Variants in FMNL2 observed in about 807,000 individuals in gnomAD.
FMNL2 encodes formin like 2.
A neutral mutation model predicts 130.2 loss-of-function variants in FMNL2; 51 were observed. The ratio of observed to expected loss-of-function variants is 0.39; its 90% CI spans 0.31 to 0.49. FMNL2 has a LOEUF of 0.49. Ranked by LOEUF, FMNL2 falls within the 20% of genes least tolerant of loss-of-function variation. The pLI, the probability that FMNL2 is intolerant of heterozygous loss-of-function variation, is 0.85. For missense variants in FMNL2, 977 were observed against 1,316.2 expected, an observed-to-expected ratio of 0.74 and a Z score of 3.99; for synonymous variants, 465 against 467.1, an observed-to-expected ratio of 1.00 and a Z score of 0.06.
intron 9 of FMNL2, among the ~76,000 whole-genome samples, chr2:152,586,807 C>G (rs986750803): frequency 1.3e-5 from 2 of 152,162 alleles, no homozygotes; most frequent in Admixed American, 1.3e-4. Context: ...CTTTTTTTGT[C>G]TGTTTATCAA....
rs374105027 is a variant in FMNL2 at position 152,516,306 on chromosome 2, C to A, written c.118-5637C>A. 5.9e-5 allele frequency among the ~76,000 whole-genome samples: 9 copies of A among 152,096 alleles called. 1 individual carries two copies. The South Asian group carries it at 1.9e-3, about 32-fold the overall frequency. ...GTAAATTTTATATTATGTTTTCTAC[C>A]ATAACTGAAAAATTTTTTAAAGTAA... On this transcript the variant is annotated intron_variant, in intron 1 of 25. Transcript: ENST00000288670.
At chr2:152,542,919 C>A in intron 3 of FMNL2, 100 bp downstream of exon 3, 1 of 1,297,604 alleles carries the variant, frequency 7.7e-7, no homozygotes, top group Non-Finnish European at 1.1e-6. Flanking sequence ...ATTAGAGCCT[C>A]TGCCAGAGCC....
rs570954690 is a variant in FMNL2, at chr2:152,486,849, T to C, written c.118-35094T>C. Among the ~76,000 whole-genome samples the C allele has an allele frequency of 2.6e-5, 4 of 152,368 alleles. No individual in the cohort carries two copies. The East Asian group carries it at 7.7e-4, about 29-fold the overall frequency. ...CATGCCCTGCATCAGTAGGCCTTGT[T>C]AGTTACGTAATCCTACTATTTGAGG... On this transcript the variant is annotated intron_variant, in intron 1 of 25. Transcript: ENST00000288670.
chr2:152,485,609 A>G (rs1022334844), intron 1 of FMNL2, among the ~76,000 whole-genome samples: 2 of 152,186 alleles, frequency 1.3e-5, no homozygotes, highest in Non-Finnish European at 2.9e-5. Flanking sequence ...TGTGTTGACA[A>G]TTTATCTGAT....
At chr2:152,389,923 G>T in intron 1 of FMNL2, 2 of 1,065,310 alleles carry the variant, frequency 1.9e-6, no homozygotes, top group East Asian at 5.1e-5. Context: ...GGAGCGGGTG[G>T]CCGGGCTGGC....
intron 1 of FMNL2, chr2:152,390,048 A>G: frequency 6.3e-7 from 1 of 1,582,130 alleles, no homozygotes; most frequent in Non-Finnish European, 8.7e-7. Flanking sequence ...CCAGCTCAAG[A>G]ACGGCAGCCT....
chr2:152,561,101 T>C, intron 6 of FMNL2, 66 bp downstream of exon 6: 1 of 1,480,798 alleles, frequency 6.8e-7, no homozygotes, highest in Non-Finnish European at 9.1e-7. Flanking sequence ...CCTACTTCTT[T>C]TGATGATTCT....
At chr2:152,571,862 T>G (rs1323032755) in intron 6 of FMNL2, among the ~76,000 whole-genome samples, 1 of 151,238 alleles carries the variant, frequency 6.6e-6, no homozygotes, top group Non-Finnish European at 1.5e-5. Flanking sequence ...ATTTGAGCGG[T>G]TTGAATGTTA....
intron 6 of FMNL2, among the ~76,000 whole-genome samples, chr2:152,561,603 C>T (rs1440110944): frequency 1.3e-5 from 2 of 150,502 alleles, no homozygotes; most frequent in Admixed American, 6.6e-5. Context: ...GATGGAATCT[C>T]GCTCTTGTTA....
At chr2:152,408,806 T>A (rs1686134961) in intron 1 of FMNL2, among the ~76,000 whole-genome samples, 1 of 152,096 alleles carries the variant, frequency 6.6e-6, no homozygotes, top group African/African-American at 2.4e-5. Context: ...GTACTGAAAT[T>A]GAAAAAACAG....
chr2:152,564,429 A>G (rs1054298775), intron 6 of FMNL2, among the ~76,000 whole-genome samples: 1 of 152,172 alleles, frequency 6.6e-6, no homozygotes, highest in African/African-American at 2.4e-5. Context: ...AAAATGAAAA[A>G]CACTGTGTTC....
At chr2:152,603,446 C>T (rs1043881032) in intron 9 of FMNL2, among the ~76,000 whole-genome samples, 13 of 133,724 alleles carry the variant, frequency 9.7e-5, no homozygotes, top group Non-Finnish European at 1.8e-4. Flanking sequence ...TGTTTTGTAA[C>T]GCACATGTTC....
intron 25 of FMNL2, 44 bp downstream of exon 25, chr2:152,640,958 C>T: frequency 6.2e-7 from 1 of 1,610,144 alleles, no homozygotes; most frequent in Middle Eastern, 1.7e-4. Flanking sequence ...ATCCCACTGG[C>T]CTCACCTAGA....
intron 2 of FMNL2, among the ~76,000 whole-genome samples, chr2:152,533,248 A>AG (rs1693805947): frequency 6.6e-6 from 1 of 152,178 alleles, no homozygotes; most frequent in African/African-American, 2.4e-5. Context: ...GGATGAGTTA[A>AG]GGGTGGAGTT....
intron 1 of FMNL2, among the ~76,000 whole-genome samples, chr2:152,489,545 A>G (rs148930932): frequency 4.0e-4 from 61 of 152,356 alleles, no homozygotes; most frequent in African/African-American, 1.3e-3. Flanking sequence ...CAAGATTAAC[A>G]GAACAGCTGA....
chr2:152,429,716 A>C, intron 1 of FMNL2, among the ~76,000 whole-genome samples: 1 of 151,684 alleles, frequency 6.6e-6, no homozygotes, highest in Non-Finnish European at 1.5e-5. Context: ...AAGTTTTTAG[A>C]AATTGATGCT....
intron 4 of FMNL2, among the ~76,000 whole-genome samples, chr2:152,553,419 A>C (rs992167856): frequency 6.6e-6 from 1 of 152,012 alleles, no homozygotes; most frequent in African/African-American, 2.4e-5. Context: ...TGTTTTATGG[A>C]TGAGAATACT....
chr2:152,562,778 A>G (rs937082713), intron 6 of FMNL2, among the ~76,000 whole-genome samples: 1 of 152,160 alleles, frequency 6.6e-6, no homozygotes, highest in Non-Finnish European at 1.5e-5. Context: ...TTTCCTGATC[A>G]CCTTGGAAAT....
intron 6 of FMNL2, among the ~76,000 whole-genome samples, chr2:152,574,715 TA>T (rs1696382182): frequency 6.6e-6 from 1 of 152,170 alleles, no homozygotes; most frequent in Non-Finnish European, 1.5e-5. Flanking sequence ...TGCTATCAAC[TA>T]AAAATGAAAA....
Sources: gnomAD v4.1 joint callset for allele counts (sites outside exome capture counted in the v4.1 genomes callset) on GRCh38, gnomAD v4.1.1 for gene constraint, MANE v1.5 for transcripts, NCBI Gene and HGNC (gene_info 2026-07-23, HGNC 2026-07-21) for gene names.